RASGEF1C: variants seen among roughly 807,000 people sequenced by gnomAD.
RASGEF1C encodes the protein ras-GEF domain-containing family member 1C.
A neutral mutation model predicts 58.1 loss-of-function variants in RASGEF1C; 27 were observed. That is an observed-to-expected ratio of 0.46 (90% CI 0.34 to 0.64). RASGEF1C has a LOEUF of 0.64. RASGEF1C is among the 30% of genes least tolerant of loss of function. The pLI is 0.01. For missense variants in RASGEF1C, 502 were observed against 605.1 expected (o/e 0.83, Z 1.79); for synonymous variants, 243 against 246.3 (o/e 0.99, Z 0.13).
chr5:180,181,808 A>G (rs1488759177), intron 1 of RASGEF1C, among the ~76,000 whole-genome samples: 4 of 152,178 alleles, frequency 2.6e-5, no homozygotes, highest in African/African-American at 9.7e-5. Context: ...GGCTGAGTGG[A>G]GCATGAACGC....
At position 180,161,422 on chromosome 5, in the gene RASGEF1C, C is replaced by G. The variant is rs549274067; in HGVS notation, c.-6-23364G>C. On this transcript the variant is annotated intron_variant, in intron 1 of 13. Transcript: ENST00000361132. ...GCCCCGCGCAGCCCTGCGGCAGCCC[C>G]GGCGACACGAGGAGCCACGGCAGCC... Among the ~76,000 whole-genome samples the G allele has an allele frequency of 1.5e-3, 227 of 152,318 alleles. 1 individual carries two copies. Among genetic ancestry groups the G allele is most frequent in the African/African-American group, 5.3e-3 (220 of 41,578 alleles).
At chr5:180,176,711 C>T (rs1264726567) in intron 1 of RASGEF1C, among the ~76,000 whole-genome samples, 1 of 152,106 alleles carries the variant, frequency 6.6e-6, no homozygotes, top group African/African-American at 2.4e-5. Flanking sequence ...CGTCTGCCAC[C>T]ATGCCCGGCT....
intron 1 of RASGEF1C, among the ~76,000 whole-genome samples, chr5:180,146,785 T>A (rs963100419): frequency 6.6e-6 from 1 of 152,210 alleles, no homozygotes; most frequent in African/African-American, 2.4e-5. Flanking sequence ...CTTGTAGTGC[T>A]TCTGTCTGGC....
rs573374916 is a variant in RASGEF1C at position 180,152,966 on chromosome 5, T to C, written c.-6-14908A>G. The stretch of plus-strand genomic sequence containing the variant: ...GGTTGCCTCTGTACTGGGATCAGCA[T>C]AAGGTATAAATGGTAAGTCTTCTTG... On this transcript the variant is annotated intron_variant, in intron 1 of 13. Coordinates refer to ENST00000361132, the MANE Select transcript of RASGEF1C (RefSeq NM_175062.4). Among the ~76,000 whole-genome samples, 392 of 147,280 alleles carry C rather than the reference T, an allele frequency of 2.7e-3. 2 individuals are homozygous for C. Among genetic ancestry groups the C allele is most frequent in the Admixed American group, 4.4e-3 (65 of 14,872 alleles).
intron 10 of RASGEF1C, 130 bp downstream of exon 10, chr5:180,118,479 G>A (rs1766107563): frequency 4.9e-6 from 4 of 813,668 alleles, no homozygotes; most frequent in Non-Finnish European, 5.8e-6. Flanking sequence ...CACGCTGGAG[G>A]CACGCAAGCA....
At position 180,209,126 on chromosome 5, in the gene RASGEF1C, CCGCCG is replaced by C. The variant is rs1756555259; in HGVS notation, c.-110_-106del. The C allele has an allele frequency of 1.1e-4, 1 of 8,904 alleles. No homozygotes were observed. Among genetic ancestry groups the C allele is most frequent in the Non-Finnish European group, 3.7e-4 (1 of 2,698 alleles). The allele number at this position is 8,904 out of a possible 1,614,324, so 0.6% of individuals were successfully genotyped here. On this transcript the variant is annotated 5_prime_UTR_variant, in exon 1 of 14. Transcript: ENST00000361132. ...GGGGCGCCGCCCGCCGCCGCCGCCGCCGCCGCCGCCGCCGCCGCCGCCGCCCGACC... is the reference window on the plus strand; with the variant it reads ...GGGGCGCCGCCCGCCGCCGCCGCCGCCCGCCGCCGCCGCCGCCGCCCGACC...
chr5:180,161,458 T>C (rs976402211), intron 1 of RASGEF1C, among the ~76,000 whole-genome samples: 4 of 152,214 alleles, frequency 2.6e-5, no homozygotes, highest in African/African-American at 4.8e-5. Context: ...AGGGGGGAAC[T>C]GCCCAGAATG....
Position 180,118,906 on chromosome 5 carries a change from A to T in RASGEF1C, c.908-40T>A, listed in dbSNP as rs1439022242. On this transcript the variant is annotated intron_variant, in intron 8 of 13. Transcript: ENST00000361132. ...AGGGTTGGAGAGGGCTGCTCCTGGG[A>T]CAGGGGGGCCTCTGCGTAGCTGCAC... 1.9e-6 allele frequency: 3 copies of T among 1,587,368 alleles called. No individual in the cohort carries two copies. In the Admixed American group the frequency reaches 5.0e-5, roughly 26 times the overall value.
intron 1 of RASGEF1C, among the ~76,000 whole-genome samples, chr5:180,183,822 CAATA>C (rs56828482): frequency 3.3e-5 from 5 of 149,530 alleles, no homozygotes; most frequent in East Asian, 2.0e-4. Context: ...AACTCCATCT[CAATA>C]AATAAATAAA....
In RASGEF1C at chr5:180,113,268, GA is replaced by G. The variant is rs1561731103; in HGVS notation, c.1179+1177del. 1.5e-3 allele frequency among the ~76,000 whole-genome samples: 66 copies of G among 43,028 alleles called. 3 individuals are homozygous for G. The highest frequency in any genetic ancestry group is 5.0e-3 in the African/African-American group (55 of 11,056). The allele number at this position is 43,028 out of a possible 152,430, so 28.2% of individuals were successfully genotyped here. On this transcript the variant is annotated intron_variant, in intron 11 of 13. Transcript: ENST00000361132. The stretch of plus-strand genomic sequence containing the variant: ...GGGACCGAGGATGGACGGAGGGACC[GA>G]GGATGGACGGAGGGATCCAGGATGG...
chr5:180,154,931 G>T (rs1013876157), intron 1 of RASGEF1C, among the ~76,000 whole-genome samples: 3 of 152,176 alleles, frequency 2.0e-5, no homozygotes, highest in Admixed American at 6.5e-5. Context: ...GACCTTTGAG[G>T]GGGAATTGGT....
chr5:180,126,842 CAAG>C (rs1766271047), intron 6 of RASGEF1C, among the ~76,000 whole-genome samples: 1 of 152,172 alleles, frequency 6.6e-6, no homozygotes, highest in Admixed American at 6.5e-5. Context: ...AAATTGGGGT[CAAG>C]AAAGTCCATT....
chr5:180,164,914 G>C (rs1469222410), intron 1 of RASGEF1C, among the ~76,000 whole-genome samples: 2 of 152,144 alleles, frequency 1.3e-5, no homozygotes, highest in Non-Finnish European at 2.9e-5. Context: ...TTTCAGTTCT[G>C]TCCGTTTTGC....
At chr5:180,123,610 A>G (rs1023356777) in intron 6 of RASGEF1C, among the ~76,000 whole-genome samples, 6 of 152,134 alleles carry the variant, frequency 3.9e-5, no homozygotes, top group Admixed American at 3.3e-4. Flanking sequence ...TTTTATTAGA[A>G]AAGAAGGATA....
At chr5:180,199,304 G>C (rs1156645217) in intron 1 of RASGEF1C, among the ~76,000 whole-genome samples, 2 of 152,210 alleles carry the variant, frequency 1.3e-5, no homozygotes, top group Non-Finnish European at 2.9e-5. Context: ...CAAAAAGCAT[G>C]TGGAAGTCCC....
intron 6 of RASGEF1C, among the ~76,000 whole-genome samples, chr5:180,126,330 C>T (rs139004600): frequency 0.032 from 4,888 of 152,194 alleles, 176 homozygotes; most frequent in East Asian, 0.15. Context: ...CGGTGTGAAC[C>T]CGGGAGGCGG....
rs371235348 is a variant in RASGEF1C, at chr5:180,169,235, A to G, written c.-6-31177T>C. Among the ~76,000 whole-genome samples, 93 of 152,346 alleles carry G rather than the reference A, an allele frequency of 6.1e-4. 3 individuals are homozygous for G. The South Asian group carries it at 0.012, about 20-fold the overall frequency. Reference sequence around the variant, plus strand: ...TAATATTTCATTACAAAATATATTTATTTTAACAAACGAGCTGATTTTATG... The same window carrying G: ...TAATATTTCATTACAAAATATATTTGTTTTAACAAACGAGCTGATTTTATG... On this transcript the variant is annotated intron_variant, in intron 1 of 13. Transcript: ENST00000361132.
At chr5:180,174,482 G>GTGTGTC (rs1479592218) in intron 1 of RASGEF1C, among the ~76,000 whole-genome samples, 2 of 60,052 alleles carry the variant, frequency 3.3e-5, no homozygotes, top group African/African-American at 5.0e-5. Flanking sequence ...ATGTGTGTCT[G>GTGTGTC]TGTGTGCGCG....
intron 1 of RASGEF1C, among the ~76,000 whole-genome samples, chr5:180,172,585 G>C (rs1447863941): frequency 6.6e-6 from 1 of 152,176 alleles, no homozygotes; most frequent in African/African-American, 2.4e-5. Flanking sequence ...GTGTCTGCCA[G>C]GGCCTTCCAG....
Sources: gnomAD v4.1 joint callset for allele counts (sites outside exome capture counted in the v4.1 genomes callset) on GRCh38, gnomAD v4.1.1 for gene constraint, MANE v1.5 for transcripts, NCBI Gene and HGNC (gene_info 2026-07-23, HGNC 2026-07-21) for gene names.